Variants in MGAT5 observed in about 807,000 individuals in gnomAD.
MGAT5 encodes alpha-1,6-mannosylglycoprotein 6-beta-N-acetylglucosaminyltransferase A.
MGAT5 carries 30 observed loss-of-function variants against 94.3 expected under a neutral mutation model. The ratio of observed to expected loss-of-function variants is 0.32; its 90% CI spans 0.24 to 0.43. The LOEUF (loss-of-function observed/expected upper bound fraction) is 0.43. Ranked by LOEUF, MGAT5 falls within the 20% of genes least tolerant of loss-of-function variation. The pLI is 1.00. For synonymous variants in MGAT5, 310 were observed against 322.9 expected, an observed-to-expected ratio of 0.96 and a Z score of 0.43; for missense variants, 691 against 905.5, an observed-to-expected ratio of 0.76 and a Z score of 3.04.
intron 1 of MGAT5, among the ~76,000 whole-genome samples, chr2:134,138,641 T>C (rs1057491292): frequency 6.6e-6 from 1 of 152,224 alleles, no homozygotes; most frequent in African/African-American, 2.4e-5. Context: ...CTGGGAATAC[T>C]GGGTCCTCCT....
At chr2:134,368,979 CCT>C (rs1318512957) in intron 10 of MGAT5, among the ~76,000 whole-genome samples, 2 of 152,178 alleles carry the variant, frequency 1.3e-5, no homozygotes, top group African/African-American at 4.8e-5. Context: ...AGCACAGCAC[CCT>C]GTTTATTCCC....
chr2:134,379,521 C>T (rs1204636855), intron 10 of MGAT5, among the ~76,000 whole-genome samples: 1 of 152,198 alleles, frequency 6.6e-6, no homozygotes, highest in Non-Finnish European at 1.5e-5. Flanking sequence ...TTTAGGCAGG[C>T]ACACCAGCAG....
rs755285259 is a variant in MGAT5 at position 134,450,531 on chromosome 2, C to G, written c.*1684C>G. On this transcript the variant is annotated 3_prime_UTR_variant, in exon 16 of 16. Transcript: ENST00000281923. ...ATTGCTACACAAATGTGCAGCCAGC[C>G]TTTTTTCTTAGGCCCACTGAGATCC... is the stretch of plus-strand genomic sequence containing the variant. 1.3e-5 allele frequency: 2 copies of G among 152,194 alleles called. No homozygotes were observed. Among genetic ancestry groups the G allele is most frequent in the Non-Finnish European group, 2.9e-5 (2 of 68,048 alleles). The allele number at this position is 152,194 out of a possible 1,614,324, so 9.4% of individuals were successfully genotyped here.
chr2:134,266,565 G>T (rs1407326627), intron 1 of MGAT5, among the ~76,000 whole-genome samples: 1 of 152,182 alleles, frequency 6.6e-6, no homozygotes, highest in African/African-American at 2.4e-5. Flanking sequence ...AGTTTTTGGA[G>T]GTTTAACAGT....
At chr2:134,120,856 G>C (rs115417333) in intron 1 of MGAT5, among the ~76,000 whole-genome samples, 6,245 of 151,888 alleles carry the variant, frequency 0.041, 408 homozygotes, top group African/African-American at 0.14. Flanking sequence ...CTGGCGCTCC[G>C]GGCCAGAGGA....
At chr2:134,153,325 G>A (rs554057248) in intron 1 of MGAT5, among the ~76,000 whole-genome samples, 1 of 152,290 alleles carries the variant, frequency 6.6e-6, no homozygotes, top group Non-Finnish European at 1.5e-5. Flanking sequence ...AAGTGCTGAG[G>A]CTTAATCAGG....
chr2:134,375,018 G>A (rs1456754645), intron 10 of MGAT5, among the ~76,000 whole-genome samples: 1 of 152,138 alleles, frequency 6.6e-6, no homozygotes, highest in African/African-American at 2.4e-5. Context: ...AGGGAACGCT[G>A]GAGTTATCCC....
intron 12 of MGAT5, among the ~76,000 whole-genome samples, chr2:134,413,854 A>G (rs1305102591): frequency 6.6e-6 from 1 of 152,246 alleles, no homozygotes; most frequent in African/African-American, 2.4e-5. Flanking sequence ...ATATCAATGT[A>G]GAAGGACAGT....
intron 11 of MGAT5, among the ~76,000 whole-genome samples, chr2:134,410,536 GTACTGAGA>G (rs1683589481): frequency 6.6e-6 from 1 of 152,146 alleles, no homozygotes; most frequent in Non-Finnish European, 1.5e-5. Context: ...TATTTTATGT[GTACTGAGA>G]TATTCTGGTG....
intron 2 of MGAT5, among the ~76,000 whole-genome samples, chr2:134,312,773 T>C (rs931710042): frequency 6.6e-6 from 1 of 152,092 alleles, no homozygotes; most frequent in Non-Finnish European, 1.5e-5. Flanking sequence ...CCAGTGAAGG[T>C]GGGCTAAATT....
intron 2 of MGAT5, among the ~76,000 whole-genome samples, chr2:134,313,085 CACACACAT>C (rs779433870): frequency 0.027 from 2,304 of 86,460 alleles, 32 homozygotes; most frequent in African/African-American, 0.049. Context: ...CACACACACA[CACACACAT>C]ATCTGTCTGG....
At chr2:134,140,572 T>C (rs564989250) in intron 1 of MGAT5, among the ~76,000 whole-genome samples, 1 of 152,316 alleles carries the variant, frequency 6.6e-6, no homozygotes, top group Admixed American at 6.5e-5. Flanking sequence ...TCAGTAAACA[T>C]TTGATGAGTA....
At chr2:134,404,680 G>A (rs1347038490) in intron 11 of MGAT5, among the ~76,000 whole-genome samples, 5 of 152,270 alleles carry the variant, frequency 3.3e-5, no homozygotes, top group East Asian at 1.9e-4. Context: ...TCCTATCTAC[G>A]TCCAAGGCAT....
intron 10 of MGAT5, among the ~76,000 whole-genome samples, chr2:134,390,544 G>GT (rs368499087): frequency 6.6e-6 from 1 of 152,110 alleles, no homozygotes; most frequent in Non-Finnish European, 1.5e-5. Context: ...TTCAATATAT[G>GT]TTTCTTTTGT....
In MGAT5 at chr2:134,254,521, C is replaced by A. The variant is rs771561378; in HGVS notation, c.118C>A (p.Pro40Thr). 1 of 1,614,198 alleles carries A rather than the reference C, an allele frequency of 6.2e-7. No individual in the cohort carries two copies. The highest frequency in any genetic ancestry group is 1.1e-5 in the South Asian group (1 of 91,088). The stretch of plus-strand genomic sequence containing the variant: ...CTTTACCATCCAGCAGCGAACTCAG[C>A]CTGAAAGCAGCTCCATGCTGCGCGA... Reference protein sequence around the residue: ...LHFTIQQRTQPESSSMLREQI... With the variant: ...LHFTIQQRTQTESSSMLREQI... Residue 40 changes from proline to threonine, a missense_variant, in exon 1 of 16, where the codon CCT becomes ACT. This residue lies in a region of MGAT5 where 307 missense variants were observed against 335.4 expected (regional missense o/e 0.92). Transcript: ENST00000281923.
intron 1 of MGAT5, among the ~76,000 whole-genome samples, chr2:134,137,314 C>T (rs775011859): frequency 2.0e-5 from 3 of 152,198 alleles, no homozygotes; most frequent in Non-Finnish European, 4.4e-5. Context: ...AGGTAGTCAG[C>T]GCCATAGGAA....
intron 1 of MGAT5, among the ~76,000 whole-genome samples, chr2:134,144,257 C>T (rs1286066897): frequency 6.6e-6 from 1 of 152,212 alleles, no homozygotes; most frequent in East Asian, 1.9e-4. Flanking sequence ...ATGATGCTGG[C>T]CATCTGCTCG....
chr2:134,226,001 T>C (rs1004243500), intron 1 of MGAT5, among the ~76,000 whole-genome samples: 5 of 152,228 alleles, frequency 3.3e-5, no homozygotes, highest in African/African-American at 1.2e-4. Flanking sequence ...TTAAGTAGCC[T>C]AAACAGTCAT....
intron 1 of MGAT5, among the ~76,000 whole-genome samples, chr2:134,239,108 C>G (rs1010564786): frequency 6.6e-6 from 1 of 152,170 alleles, no homozygotes; most frequent in Non-Finnish European, 1.5e-5. Flanking sequence ...AAGCAATTCT[C>G]CTGCCTCAGC....
Sources: gnomAD v4.1 joint callset for allele counts (sites outside exome capture counted in the v4.1 genomes callset) on GRCh38, gnomAD v4.1.1 for gene constraint, gnomAD v4.1.1 regional missense constraint, MANE v1.5 for transcripts, NCBI Gene and HGNC (gene_info 2026-07-23, HGNC 2026-07-21) for gene names.